Variants in LDLRAD3 observed in about 807,000 individuals in gnomAD.
The protein encoded by LDLRAD3 is low density lipoprotein receptor class A domain containing 3, also known as low-density lipoprotein receptor class A domain-containing protein 3.
Under a neutral mutation model 29.4 loss-of-function variants are expected in LDLRAD3, and 20 were observed. The ratio of observed to expected loss-of-function variants is 0.68; its 90% CI spans 0.48 to 0.99. The LOEUF (loss-of-function observed/expected upper bound fraction) is 0.99, where lower values mean the gene tolerates loss of function less well. LDLRAD3 is among the 50% of genes least tolerant of loss of function. The pLI is 0.00. For synonymous variants in LDLRAD3, 157 were observed against 192.7 expected, an observed-to-expected ratio of 0.81 and a Z score of 1.53; for missense variants, 420 against 454.3, an observed-to-expected ratio of 0.92 and a Z score of 0.69.
At chr11:36,160,768 T>A (rs911444754) in intron 4 of LDLRAD3, among the ~76,000 whole-genome samples, 5 of 152,144 alleles carry the variant, frequency 3.3e-5, no homozygotes, top group African/African-American at 1.2e-4. Context: ...AATGACTTAG[T>A]GAGAACTCGA....
intron 4 of LDLRAD3, among the ~76,000 whole-genome samples, chr11:36,182,509 CTATT>C (rs1854779873): frequency 6.6e-6 from 1 of 152,194 alleles, no homozygotes; most frequent in Non-Finnish European, 1.5e-5. Context: ...TTTCAACAAA[CTATT>C]TTTTTTCTCT....
At chr11:36,136,441 G>T in intron 4 of LDLRAD3, among the ~76,000 whole-genome samples, 1 of 152,186 alleles carries the variant, frequency 6.6e-6, no homozygotes, top group East Asian at 1.9e-4. Context: ...GGAGGTGTTT[G>T]GATCATGGGG....
chr11:36,109,488 T>C (rs1317489929), intron 4 of LDLRAD3, among the ~76,000 whole-genome samples: 3 of 152,214 alleles, frequency 2.0e-5, no homozygotes, highest in Non-Finnish European at 2.9e-5. Flanking sequence ...ATACTAATTT[T>C]GTGGAACTAG....
At chr11:36,064,776 C>T (rs1015772243) in intron 2 of LDLRAD3, among the ~76,000 whole-genome samples, 11 of 152,042 alleles carry the variant, frequency 7.2e-5, no homozygotes, top group Middle Eastern at 3.4e-3. Context: ...TTTGATCTTC[C>T]GACCCATTGG....
intron 2 of LDLRAD3, among the ~76,000 whole-genome samples, chr11:36,077,085 G>C (rs1442525409): frequency 6.6e-6 from 1 of 152,126 alleles, no homozygotes; most frequent in Non-Finnish European, 1.5e-5. Context: ...ACACTGCTCT[G>C]AGTATATTTA....
chr11:36,193,432 G>A (rs1405836238), intron 4 of LDLRAD3, among the ~76,000 whole-genome samples: 4 of 152,052 alleles, frequency 2.6e-5, no homozygotes, highest in African/African-American at 9.7e-5. Context: ...ACATCAACAC[G>A]GCTTTTATCA....
chr11:36,142,588 C>G (rs924672328), intron 4 of LDLRAD3, among the ~76,000 whole-genome samples: 3 of 152,088 alleles, frequency 2.0e-5, no homozygotes, highest in African/African-American at 4.8e-5. Context: ...TGGTTCCCGC[C>G]CCCGCCTCCT....
At chr11:36,195,400 C>A (rs1404502905) in intron 4 of LDLRAD3, among the ~76,000 whole-genome samples, 1 of 152,184 alleles carries the variant, frequency 6.6e-6, no homozygotes, top group Admixed American at 6.5e-5. Flanking sequence ...TTACACCTAA[C>A]CACTGTTTAT....
In LDLRAD3 at chr11:36,231,748, G is replaced by C. The variant is rs938521806; in HGVS notation, c.*2351G>C. The C allele has an allele frequency of 2.6e-5, 4 of 151,770 alleles. No individual in the cohort carries two copies. Among genetic ancestry groups the C allele is most frequent in the African/African-American group, 9.7e-5 (4 of 41,306 alleles). The allele number at this position is 151,770 out of a possible 1,614,324, so 9.4% of individuals were successfully genotyped here. On this transcript the variant is annotated 3_prime_UTR_variant, in exon 6 of 6. Coordinates refer to ENST00000315571, the MANE Select transcript of LDLRAD3 (RefSeq NM_174902.4). Reference sequence around the variant, plus strand: ...ACACCAAAGCGGCAGGGTTTTTTTGGGGGGGAGGGGGTTTGTTTTCCAACT... The same window carrying C: ...ACACCAAAGCGGCAGGGTTTTTTTGCGGGGGAGGGGGTTTGTTTTCCAACT...
At chr11:36,121,769 G>A (rs1017630835) in intron 4 of LDLRAD3, among the ~76,000 whole-genome samples, 8 of 152,220 alleles carry the variant, frequency 5.3e-5, no homozygotes, top group Admixed American at 2.0e-4. Context: ...CCAAAAGGTC[G>A]CCTCTAGTTT....
At chr11:36,125,112 G>T (rs1360031405) in intron 4 of LDLRAD3, among the ~76,000 whole-genome samples, 1 of 152,142 alleles carries the variant, frequency 6.6e-6, no homozygotes, top group Non-Finnish European at 1.5e-5. Context: ...CAGAGTGTTT[G>T]TTCCAGGGCA....
chr11:36,121,691 G>C (rs1441455220), intron 4 of LDLRAD3, among the ~76,000 whole-genome samples: 1 of 152,196 alleles, frequency 6.6e-6, no homozygotes, highest in Non-Finnish European at 1.5e-5. Flanking sequence ...ATAAGAGCTT[G>C]ATGAGCTATC....
At chr11:36,036,318 G>A (rs1275570703) in intron 2 of LDLRAD3, 69 bp downstream of exon 2, 6 of 1,589,038 alleles carry the variant, frequency 3.8e-6, no homozygotes, top group African/African-American at 1.3e-5. Context: ...CAGGTCCTGA[G>A]CAGGCTTAGA....
chr11:36,161,914 T>C (rs149208619), intron 4 of LDLRAD3, among the ~76,000 whole-genome samples: 26 of 152,318 alleles, frequency 1.7e-4, no homozygotes, highest in African/African-American at 6.0e-4. Flanking sequence ...ACGATGAGGC[T>C]CTCTGAGAAT....
chr11:36,159,713 C>T (rs1361417002), intron 4 of LDLRAD3, among the ~76,000 whole-genome samples: 1 of 150,940 alleles, frequency 6.6e-6, no homozygotes, highest in African/African-American at 2.4e-5. Context: ...GTTGAGGCTG[C>T]AGTAAGCCCA....
chr11:36,183,963 C>CTT (rs547281058), intron 4 of LDLRAD3: 1,705 of 220,616 alleles, frequency 7.7e-3, no homozygotes, highest in South Asian at 0.017. Flanking sequence ...TATATTTCAT[C>CTT]TTTTTTTTTT....
intron 1 of LDLRAD3, chr11:35,989,094 A>G (rs564394173): frequency 4.6e-5 from 7 of 152,308 alleles, no homozygotes; most frequent in African/African-American, 1.7e-4. Flanking sequence ...GCTTATAGCT[A>G]GCCAGATATC....
At chr11:36,077,534 C>T (rs972666129) in intron 2 of LDLRAD3, among the ~76,000 whole-genome samples, 7 of 152,202 alleles carry the variant, frequency 4.6e-5, no homozygotes, top group Non-Finnish European at 8.8e-5. Flanking sequence ...TGTGAGCGAG[C>T]GTGGAGTTCA....
intron 2 of LDLRAD3, among the ~76,000 whole-genome samples, chr11:36,055,561 G>A (rs1391181046): frequency 6.6e-6 from 1 of 152,214 alleles, no homozygotes; most frequent in Non-Finnish European, 1.5e-5. Context: ...CAGCCTGGGG[G>A]ACTGGCAGAT....
Sources: allele counts gnomAD v4.1 joint callset (sites outside exome capture counted in the v4.1 genomes callset), GRCh38; gene constraint gnomAD v4.1.1; transcripts MANE v1.5; gene names NCBI Gene and HGNC (gene_info 2026-07-23, HGNC 2026-07-21).